CA12: variants seen among roughly 807,000 people sequenced by gnomAD.
CA12 encodes carbonic anhydrase 12.
In CA12, 36 loss-of-function variants were observed where a neutral mutation model predicts 46.8. The observed-to-expected ratio is 0.77, with a 90% CI of 0.59 to 1.02. CA12 has a LOEUF of 1.02. CA12 is among the 50% of genes least tolerant of loss of function. The pLI, the probability that CA12 is intolerant of heterozygous loss-of-function variation, is 0.00. For missense variants in CA12, 436 were observed against 451.4 expected (o/e 0.97, Z 0.31); for synonymous variants, 202 against 187.0 (o/e 1.08, Z -0.65).
In CA12 at chr15:63,328,375, C is replaced by T. The variant is rs1411044950; in HGVS notation, c.875-245G>A. Among the ~76,000 whole-genome samples the T allele has an allele frequency of 5.3e-5, 8 of 150,902 alleles. No individual in the cohort carries two copies. Among genetic ancestry groups the T allele is most frequent in the Non-Finnish European group, 7.4e-5 (5 of 67,834 alleles). On this transcript the variant is annotated intron_variant, in intron 8 of 10. Transcript: ENST00000178638. The surrounding 1 kb of genome is among the most constrained non-coding windows in gnomAD (Gnocchi z 5.9). The stretch of plus-strand genomic sequence containing the variant: ...TTTTTGAGATGGAATCTCGCTCTGC[C>T]GCCCAGGCTGGAATGCAGTGGTGCG...
chr15:63,352,807 G>C (rs576111171), intron 2 of CA12, among the ~76,000 whole-genome samples: 66 of 152,294 alleles, frequency 4.3e-4, no homozygotes, highest in African/African-American at 1.5e-3. Flanking sequence ...GTTTTGTAAG[G>C]AGGTCTGACC....
At chr15:63,358,906 C>A (rs1176694461) in intron 2 of CA12, among the ~76,000 whole-genome samples, 1 of 152,198 alleles carries the variant, frequency 6.6e-6, no homozygotes, top group Non-Finnish European at 1.5e-5. Context: ...TTCATGCAGC[C>A]CTTGACCCTG....
chr15:63,339,839 G>T lies in CA12; in HGVS notation c.747+449C>A, dbSNP rs2039052259. On this transcript the variant is annotated intron_variant, in intron 7 of 10. Coordinates refer to ENST00000178638, the MANE Select transcript of CA12 (RefSeq NM_001218.5). The surrounding 1 kb of genome is among the most constrained non-coding windows in gnomAD (Gnocchi z 4.3). Reference sequence around the variant, plus strand: ...ATCTCCTATCAAATAAGAAGCTTTAGAGGTGATGGCTAAGGATTTTGTTCC... The same window carrying T: ...ATCTCCTATCAAATAAGAAGCTTTATAGGTGATGGCTAAGGATTTTGTTCC... Among the ~76,000 whole-genome samples, 1 of 152,194 alleles carries T rather than the reference G, an allele frequency of 6.6e-6. No individual in the cohort carries two copies. The highest frequency in any genetic ancestry group is 2.1e-4 in the South Asian group (1 of 4,830).
In CA12 at chr15:63,327,103, T is replaced by C. The variant is rs2038876863; in HGVS notation, c.992+46A>G. ...GCCTTCCCAGGCAGACTAATCATCA[T>C]GGACACATAGCTGTCCATTCCCATT... is the stretch of plus-strand genomic sequence containing the variant. On this transcript the variant is annotated intron_variant, in intron 10 of 10. Transcript: ENST00000178638. The surrounding 1 kb of genome is among the most constrained non-coding windows in gnomAD (Gnocchi z 4.5). The C allele has an allele frequency of 2.0e-6, 3 of 1,523,504 alleles. No homozygotes were observed. The highest frequency in any genetic ancestry group is 2.7e-6 in the Non-Finnish European group (3 of 1,098,072). 94.4% of individuals were successfully genotyped at this position (1,523,504 alleles called of 1,614,324 possible). A position where few individuals can be genotyped will look rare whatever the true frequency, so the allele number is the denominator to read the frequency against.
At chr15:63,369,958 C>T (rs7181453) in intron 2 of CA12, among the ~76,000 whole-genome samples, 10,883 of 152,142 alleles carry the variant, frequency 0.072, 850 homozygotes, top group African/African-American at 0.19. Context: ...CTCCAGGATA[C>T]GCACAAACCC....
rs1294935878 is a variant in CA12, at chr15:63,370,822, C to T, written c.106+4836G>A. Among the ~76,000 whole-genome samples, 8 of 152,166 alleles carry T rather than the reference C, an allele frequency of 5.3e-5. No homozygotes were observed. The Middle Eastern group carries it at 0.01, about 194-fold the overall frequency. On this transcript the variant is annotated intron_variant, in intron 2 of 10. Coordinates refer to ENST00000178638, the MANE Select transcript of CA12 (RefSeq NM_001218.5). The stretch of plus-strand genomic sequence containing the variant: ...AAAGAAAAACATGTCTGGCCTTTTC[C>T]GGCTCTCCTGAGAGTACTTTGTGCC...
At chr15:63,369,851 T>C (rs1444617464) in intron 2 of CA12, among the ~76,000 whole-genome samples, 1 of 152,194 alleles carries the variant, frequency 6.6e-6, no homozygotes, top group African/African-American at 2.4e-5. Context: ...TGCCTGTCTT[T>C]AGGAACTAAT....
In CA12 at chr15:63,374,927, C is replaced by T. The variant is rs1307060608; in HGVS notation, c.106+731G>A. On this transcript the variant is annotated intron_variant, in intron 2 of 10. Transcript: ENST00000178638. This position sits in a 1 kb window ranked among gnomAD's most constrained non-coding sequence, Gnocchi z 4.4. ...CCCAACAAGACATTATCAACATTCC[C>T]GCACTGGCCAGGGGACTCAGGTGTC... Among the ~76,000 whole-genome samples, 5 of 152,192 alleles carry T rather than the reference C, an allele frequency of 3.3e-5. No individual in the cohort carries two copies. The highest frequency in any genetic ancestry group is 6.5e-5 in the Admixed American group (1 of 15,280).
chr15:63,371,691 G>A (rs1038980169), intron 2 of CA12, among the ~76,000 whole-genome samples: 10 of 152,176 alleles, frequency 6.6e-5, no homozygotes, highest in African/African-American at 2.4e-4. Context: ...TTCTCAACCA[G>A]CTCACATCCA....
chr15:63,363,560 C>T (rs2039394596), intron 2 of CA12, among the ~76,000 whole-genome samples: 1 of 152,180 alleles, frequency 6.6e-6, no homozygotes, highest in African/African-American at 2.4e-5. Flanking sequence ...CTCTGTTCCT[C>T]TTGGAAGTCC....
chr15:63,346,222 G>T (rs559530419), intron 3 of CA12, among the ~76,000 whole-genome samples: 1 of 152,118 alleles, frequency 6.6e-6, no homozygotes. Flanking sequence ...TCCTTGAATC[G>T]TTTATGGTCC....
rs936249322 is a variant in CA12 at position 63,331,265 on chromosome 15, C to A, written c.875-3135G>T. ...TGTCAGGGCAACCAGAGAACTAGAA[C>A]CTGAGTGCGAAGCCAAAGCCTGTTT... On this transcript the variant is annotated intron_variant, in intron 8 of 10. Coordinates refer to ENST00000178638, the MANE Select transcript of CA12 (RefSeq NM_001218.5). The surrounding 1 kb of genome is among the most constrained non-coding windows in gnomAD (Gnocchi z 5.3). Among the ~76,000 whole-genome samples the A allele has an allele frequency of 6.6e-6, 1 of 152,198 alleles. No individual in the cohort carries two copies. Among genetic ancestry groups the A allele is most frequent in the Non-Finnish European group, 1.5e-5 (1 of 68,030 alleles).
In CA12 at chr15:63,338,819, C is replaced by T. The variant is rs369200281; in HGVS notation, c.874G>A (p.Val292Met). The T allele has an allele frequency of 3.7e-6, 6 of 1,613,992 alleles. No individual in the cohort carries two copies. The African/African-American group carries it at 8.0e-5, about 22-fold the overall frequency. Residue 292 changes from valine (V) to methionine (M), a missense_variant and splice_region_variant, in exon 8 of 11, where the codon GTG becomes ATG. Transcript: ENST00000178638. The stretch of plus-strand genomic sequence containing the variant: ...TCCCCCCAGCACTGCCTCTCCTCAC[C>T]TTGGGAGAAGGAGGTGTATACCAGC... ...ERLVYTSFSQ[V>M]QVCTAAGLSL...
intron 3 of CA12, 125 bp downstream of exon 3, chr15:63,346,405 G>GCCCCCCCCCCCC: frequency 2.6e-6 from 1 of 388,808 alleles, no homozygotes; most frequent in Non-Finnish European, 5.3e-6. Context: ...AGACACCCCC[G>GCCCCCCCCCCCC]CCCCGCCCCA....
At position 63,340,480 on chromosome 15, in the gene CA12, C is replaced by T; in HGVS notation, c.590-35G>A. On this transcript the variant is annotated intron_variant, in intron 6 of 10. Coordinates refer to ENST00000178638, the MANE Select transcript of CA12 (RefSeq NM_001218.5). The surrounding 1 kb of genome is among the most constrained non-coding windows in gnomAD (Gnocchi z 4.4). ...CATGTTGCAGAGGTGATAGTGTCAGCCTCCCTCCGTAGGGCATAAGTGCAG... is the reference window on the plus strand; with the variant it reads ...CATGTTGCAGAGGTGATAGTGTCAGTCTCCCTCCGTAGGGCATAAGTGCAG... The T allele has an allele frequency of 1.2e-6, 2 of 1,613,668 alleles. No homozygotes were observed. Among genetic ancestry groups the T allele is most frequent in the Non-Finnish European group, 1.7e-6 (2 of 1,179,582 alleles).
At position 63,355,101 on chromosome 15, in the gene CA12, T is replaced by G. The variant is rs997030386; in HGVS notation, c.107-8392A>C. On this transcript the variant is annotated intron_variant, in intron 2 of 10. Transcript: ENST00000178638. This position sits in a 1 kb window ranked among gnomAD's most constrained non-coding sequence, Gnocchi z 4.1. ...CTTAGGTTCTCATGACCTGTGACCT[T>G]AGAGTATGTTCATCGTGGAGAGGCT... Among the ~76,000 whole-genome samples the G allele has an allele frequency of 6.6e-6, 1 of 152,194 alleles. No homozygotes were observed. Among genetic ancestry groups the G allele is most frequent in the Non-Finnish European group, 1.5e-5 (1 of 68,034 alleles).
At chr15:63,351,883 T>C (rs2039237077) in intron 2 of CA12, among the ~76,000 whole-genome samples, 1 of 152,182 alleles carries the variant, frequency 6.6e-6, no homozygotes, top group South Asian at 2.1e-4. Flanking sequence ...TCAAAGACCT[T>C]TGGAAGACCA....
chr15:63,374,792 T>C lies in CA12; in HGVS notation c.106+866A>G, dbSNP rs1055120166. Among the ~76,000 whole-genome samples the C allele has an allele frequency of 2.0e-5, 3 of 152,198 alleles. No individual in the cohort carries two copies. Among genetic ancestry groups the C allele is most frequent in the Non-Finnish European group, 4.4e-5 (3 of 68,042 alleles). The stretch of plus-strand genomic sequence containing the variant: ...GCCCACAGCCATTGCATCCTGTGGC[T>C]TTAACTTTGGCCACAACCCTGCTTG... On this transcript the variant is annotated intron_variant, in intron 2 of 10. Transcript: ENST00000178638. The surrounding 1 kb of genome is among the most constrained non-coding windows in gnomAD (Gnocchi z 4.4).
intron 2 of CA12, among the ~76,000 whole-genome samples, chr15:63,362,485 G>C (rs2039376124): frequency 6.6e-6 from 1 of 152,192 alleles, no homozygotes. Flanking sequence ...GGTGAGACGT[G>C]ACCAGCAGAT....
Sources: allele counts gnomAD v4.1 joint callset (sites outside exome capture counted in the v4.1 genomes callset), GRCh38; gene constraint gnomAD v4.1.1; non-coding constraint Gnocchi (gnomAD v3.1); transcripts MANE v1.5; gene names NCBI Gene and HGNC (gene_info 2026-07-23, HGNC 2026-07-21).